The following RCAN3 variants were observed in gnomAD, a reference collection of about 807,000 sequenced individuals.
The protein encoded by RCAN3 is regulator of calcineurin 3, also known as calcipressin-3.
RCAN3 carries 19 observed loss-of-function variants against 21.9 expected under a neutral mutation model. The ratio of observed to expected loss-of-function variants is 0.87; its 90% CI spans 0.61 to 1.27. The LOEUF is 1.27. Among genes scored for constraint, RCAN3 ranks in the 50% most tolerant of loss-of-function variants. The pLI, the probability that RCAN3 is intolerant of heterozygous loss-of-function variation, is 0.00. For missense variants in RCAN3, 240 were observed against 300.1 expected, an observed-to-expected ratio of 0.80 and a Z score of 1.48; for synonymous variants, 114 against 112.3, an observed-to-expected ratio of 1.01 and a Z score of -0.09.
chr1:24,520,895 TAC>T (rs1324914763), intron 2 of RCAN3, among the ~76,000 whole-genome samples: 5 of 152,172 alleles, frequency 3.3e-5, no homozygotes, highest in African/African-American at 1.2e-4. Context: ...TAAAGTGCTC[TAC>T]AGATTCAACT....
In RCAN3 at chr1:24,540,042, T is replaced by C. The variant is rs886709093; in HGVS notation, c.*4765T>C. 6.6e-6 allele frequency: 1 copy of C among 152,250 alleles called. No individual in the cohort carries two copies. The highest frequency in any genetic ancestry group is 1.5e-5 in the Non-Finnish European group (1 of 68,046). The allele number at this position is 152,250 out of a possible 1,614,324, so 9.4% of individuals were successfully genotyped here. A position where few individuals can be genotyped will look rare whatever the true frequency, so the allele number is the denominator to read the frequency against. Reference sequence around the variant, plus strand: ...TGTCCTACAATTCGCTGAATACTTATTTGTCTTTTAAACTCCCCTCGGTGT... The same window carrying C: ...TGTCCTACAATTCGCTGAATACTTACTTGTCTTTTAAACTCCCCTCGGTGT... On this transcript the variant is annotated 3_prime_UTR_variant, in exon 5 of 5. Transcript: ENST00000374395.
rs1380497422 is a variant in RCAN3, at chr1:24,540,074, C to T, written c.*4797C>T. The T allele has an allele frequency of 6.6e-6, 1 of 152,204 alleles. No individual in the cohort carries two copies. The highest frequency in any genetic ancestry group is 1.9e-4 in the East Asian group (1 of 5,204). The allele number at this position is 152,204 out of a possible 1,614,324, so 9.4% of individuals were successfully genotyped here. On this transcript the variant is annotated 3_prime_UTR_variant, in exon 5 of 5. Transcript: ENST00000374395. Reference sequence around the variant, plus strand: ...TTTAAACTCCCCTCGGTGTATGGATCATCTTCGTCAGAATGCCGTTGTTTC... The same window carrying T: ...TTTAAACTCCCCTCGGTGTATGGATTATCTTCGTCAGAATGCCGTTGTTTC...
At chr1:24,530,978 C>T (rs776522517) in intron 2 of RCAN3, among the ~76,000 whole-genome samples, 6 of 152,142 alleles carry the variant, frequency 3.9e-5, no homozygotes, top group Non-Finnish European at 7.3e-5. Flanking sequence ...CCACTGCACT[C>T]TAGCCTGGAT....
intron 2 of RCAN3, among the ~76,000 whole-genome samples, chr1:24,523,603 TACACACACACACACACAC>T (rs71577716): frequency 1.7e-4 from 24 of 140,760 alleles, no homozygotes; most frequent in Admixed American, 2.8e-4. Context: ...TTATTTCTAA[TACACACACACACACACAC>T]ACACACACAC....
chr1:24,533,727 G>C (rs1180853324), intron 4 of RCAN3, among the ~76,000 whole-genome samples: 1 of 152,100 alleles, frequency 6.6e-6, no homozygotes, highest in Admixed American at 6.5e-5. Flanking sequence ...TTGAACCCAA[G>C]AGGCAGAGGA....
chr1:24,531,134 T>C (rs1649725703), intron 2 of RCAN3, 84 bp from the exon 3 acceptor site: 1 of 980,100 alleles, frequency 1.0e-6, no homozygotes. Flanking sequence ...TTAGGTTTCA[T>C]GATTTAAATT....
rs1389114714 is a variant in RCAN3 at position 24,539,575 on chromosome 1, C to G, written c.*4298C>G. On this transcript the variant is annotated 3_prime_UTR_variant, in exon 5 of 5. Transcript: ENST00000374395. ...TAAAAGAGTTTGCAGTGGAATGATA[C>G]TCTCACTCCGTGCTTGTAAAATTGA... 1 of 152,332 alleles carries G rather than the reference C, an allele frequency of 6.6e-6. No homozygotes were observed. Among genetic ancestry groups the G allele is most frequent in the East Asian group, 1.9e-4 (1 of 5,196 alleles). 9.4% of individuals were successfully genotyped at this position (152,332 alleles called of 1,614,324 possible). A position where few individuals can be genotyped will look rare whatever the true frequency, so the allele number is the denominator to read the frequency against.
chr1:24,533,984 G>A (rs540177790), intron 4 of RCAN3, among the ~76,000 whole-genome samples: 1 of 152,200 alleles, frequency 6.6e-6, no homozygotes, highest in East Asian at 1.9e-4. Context: ...TATATTACAA[G>A]GAATTGGTGG....
At chr1:24,505,617 A>G (rs28480087) in intron 1 of RCAN3, among the ~76,000 whole-genome samples, 1 of 152,150 alleles carries the variant, frequency 6.6e-6, no homozygotes, top group Non-Finnish European at 1.5e-5. Flanking sequence ...TATTTTATAT[A>G]TTTTATACAC....
chr1:24,524,832 T>TG (rs959723023), intron 2 of RCAN3, among the ~76,000 whole-genome samples: 9 of 148,052 alleles, frequency 6.1e-5, no homozygotes, highest in Admixed American at 1.3e-4. Context: ...TCTTTTGTTT[T>TG]TTTTTTTTTT....
intron 2 of RCAN3, among the ~76,000 whole-genome samples, chr1:24,524,456 G>A (rs887240532): frequency 6.6e-6 from 1 of 152,102 alleles, no homozygotes; most frequent in African/African-American, 2.4e-5. Flanking sequence ...TTTGACTGTA[G>A]GTCCCAGAAT....
At chr1:24,508,908 C>G (rs1264291611) in intron 1 of RCAN3, among the ~76,000 whole-genome samples, 1 of 152,142 alleles carries the variant, frequency 6.6e-6, no homozygotes, top group African/African-American at 2.4e-5. Context: ...CACCTATAGT[C>G]CCAGTACTTT....
At chr1:24,534,886 A>G (rs1157969210) in intron 4 of RCAN3, among the ~76,000 whole-genome samples, 2 of 152,256 alleles carry the variant, frequency 1.3e-5, no homozygotes, top group Non-Finnish European at 2.9e-5. Flanking sequence ...CCAAGACTTC[A>G]GTACTGAAAC....
At chr1:24,504,158 G>A (rs141585608) in intron 1 of RCAN3, among the ~76,000 whole-genome samples, 116 of 152,246 alleles carry the variant, frequency 7.6e-4, no homozygotes, top group African/African-American at 2.7e-3. Flanking sequence ...TTACTGCATT[G>A]GCAAGCCTTG....
At chr1:24,535,055 T>G in intron 4 of RCAN3, 38 bp from the exon 5 acceptor site, 3 of 1,578,188 alleles carry the variant, frequency 1.9e-6, no homozygotes, top group Non-Finnish European at 2.6e-6. Context: ...TTGCTGGAAG[T>G]GATGCTTTTG....
intron 3 of RCAN3, 127 bp from the exon 4 acceptor site, chr1:24,532,948 CAAAAAAAA>C (rs756973308): frequency 3.4e-4 from 32 of 93,218 alleles, no homozygotes; most frequent in Middle Eastern, 7.1e-3. Context: ...GACTCCGTCT[CAAAAAAAA>C]AAAAAAAAAA....
intron 2 of RCAN3, among the ~76,000 whole-genome samples, chr1:24,523,601 AAT>A (rs1648993846): frequency 8.4e-6 from 1 of 118,508 alleles, no homozygotes; most frequent in South Asian, 2.8e-4. Flanking sequence ...TATTATTTCT[AAT>A]ACACACACAC....
intron 2 of RCAN3, among the ~76,000 whole-genome samples, chr1:24,523,794 A>T (rs890138165): frequency 6.6e-6 from 1 of 152,190 alleles, no homozygotes; most frequent in Non-Finnish European, 1.5e-5. Flanking sequence ...TGAGATAAGC[A>T]TCTTCAATTA....
At chr1:24,515,427 GGTGTGTGTGTGTGT>G (rs67348372) in intron 2 of RCAN3, among the ~76,000 whole-genome samples, 12 of 146,480 alleles carry the variant, frequency 8.2e-5, no homozygotes, top group Admixed American at 1.4e-4. Flanking sequence ...TAGAAAGAGA[GGTGTGTGTGTGTGT>G]GTGTGTGTGT....
Sources: allele counts gnomAD v4.1 joint callset (sites outside exome capture counted in the v4.1 genomes callset), GRCh38; gene constraint gnomAD v4.1.1; transcripts MANE v1.5; gene names NCBI Gene and HGNC (gene_info 2026-07-23, HGNC 2026-07-21).